HECW1: variants seen among roughly 807,000 people sequenced by gnomAD.
HECW1 encodes the protein HECT, C2 and WW domain containing E3 ubiquitin protein ligase 1, also known as E3 ubiquitin-protein ligase HECW1.
A neutral mutation model predicts 182.3 loss-of-function variants in HECW1; 61 were observed. The observed-to-expected ratio is 0.33, with a 90% CI of 0.27 to 0.41. The LOEUF (loss-of-function observed/expected upper bound fraction) is 0.41, where lower values mean the gene tolerates loss of function less well. HECW1 is among the 10% of genes least tolerant of loss of function. The probability of loss-of-function intolerance (pLI) is 1.00; values close to 1 mark genes in which losing one functional copy is unlikely to be tolerated. For synonymous variants in HECW1, 859 were observed against 832.6 expected (o/e 1.03, Z -0.55); for missense variants, 1,739 against 2,108.9 (o/e 0.82, Z 3.44).
Position 43,466,467 on chromosome 7 carries a change from C to G in HECW1, c.2812C>G (p.Leu938Val). ...SSLDLRREGS[L>V]SPVNSQKITL... Reference sequence around the variant, plus strand: ...TTCAGATCTAAGGAGAGAAGGGTCACTTTCTCCAGTGAACTCACAAAAAAT... The same window carrying G: ...TTCAGATCTAAGGAGAGAAGGGTCAGTTTCTCCAGTGAACTCACAAAAAAT... The change falls in exon 15 of 30, where the codon CTT (leucine) becomes GTT (valine). Residue 938 changes from leucine to valine, a missense_variant. Leu to Val is a conservative substitution (Grantham distance 32). Coordinates refer to ENST00000395891, the MANE Select transcript of HECW1 (RefSeq NM_015052.5). 6.2e-7 allele frequency: 1 copy of G among 1,613,728 alleles called. No individual in the cohort carries two copies. The highest frequency in any genetic ancestry group is 8.5e-7 in the Non-Finnish European group (1 of 1,179,760).
At chr7:43,120,548 C>T (rs1294466145) in intron 2 of HECW1, among the ~76,000 whole-genome samples, 12 of 152,124 alleles carry the variant, frequency 7.9e-5, no homozygotes, top group Non-Finnish European at 1.8e-4. Flanking sequence ...GCTGACTGAC[C>T]GAATGATGTA....
chr7:43,442,788 G>A (rs940483298), intron 10 of HECW1, among the ~76,000 whole-genome samples, 159 bp downstream of exon 10: 1 of 152,228 alleles, frequency 6.6e-6, no homozygotes, highest in East Asian at 1.9e-4. Context: ...TATTCTGGAA[G>A]CCAGGTTGCT....
chr7:43,400,616 G>A lies in HECW1; in HGVS notation c.631+3727G>A, dbSNP rs182383999. On this transcript the variant is annotated intron_variant, in intron 7 of 29. Transcript: ENST00000395891. ...TGCTTGTACCCTCAACAAAATAGAG[G>A]GAAGTGCAGAGCATATTAAATAAGA... Among the ~76,000 whole-genome samples the A allele has an allele frequency of 8.5e-5, 13 of 152,226 alleles. No homozygotes were observed. In the East Asian group the frequency reaches 2.5e-3, roughly 29 times the overall value.
chr7:43,463,925 G>A, intron 14 of HECW1, 126 bp downstream of exon 14: 2 of 1,089,748 alleles, frequency 1.8e-6, no homozygotes, highest in Admixed American at 2.3e-5. Flanking sequence ...GGAAGTCCAG[G>A]GTGGAGGACA....
At chr7:43,398,743 T>C (rs777807541) in intron 7 of HECW1, among the ~76,000 whole-genome samples, 44 of 152,360 alleles carry the variant, frequency 2.9e-4, no homozygotes, top group Non-Finnish European at 5.6e-4. Flanking sequence ...GAACTGTCTG[T>C]GCAGGAGACC....
chr7:43,303,945 G>A (rs1181052314), intron 3 of HECW1, among the ~76,000 whole-genome samples: 1 of 152,216 alleles, frequency 6.6e-6, no homozygotes, highest in African/African-American at 2.4e-5. Flanking sequence ...GGACCCAGGG[G>A]CAGTATTTAA....
chr7:43,231,938 C>T (rs963340761), intron 2 of HECW1, among the ~76,000 whole-genome samples: 8 of 147,092 alleles, frequency 5.4e-5, no homozygotes, highest in South Asian at 2.2e-4. Context: ...AGGAGAATGG[C>T]GTGAACCCGG....
At position 43,518,253 on chromosome 7, in the gene HECW1, A is replaced by G. The variant is rs180787829; in HGVS notation, c.4019+9132A>G. The stretch of plus-strand genomic sequence containing the variant: ...CTCACACCTCTAATTCCAACACTTT[A>G]GGAGGCCAAGGCGGGTGGATCACTT... On this transcript the variant is annotated intron_variant, in intron 24 of 29. Transcript: ENST00000395891. Among the ~76,000 whole-genome samples the G allele has an allele frequency of 8.4e-3, 1,285 of 152,226 alleles. 20 individuals are homozygous for G. The highest frequency in any genetic ancestry group is 0.029 in the African/African-American group (1,221 of 41,544).
chr7:43,269,087 A>C (rs1802100881), intron 3 of HECW1, among the ~76,000 whole-genome samples: 2 of 151,986 alleles, frequency 1.3e-5, no homozygotes, highest in Admixed American at 6.6e-5. Flanking sequence ...CCTCTCCCTC[A>C]CCACTGAAAT....
rs375702704 is a variant in HECW1 at position 43,272,179 on chromosome 7, T to C, written c.27+28247T>C. Among the ~76,000 whole-genome samples, 149 of 152,170 alleles carry C rather than the reference T, an allele frequency of 9.8e-4. 1 individual carries two copies. In the South Asian group the frequency reaches 0.024, roughly 25 times the overall value. On this transcript the variant is annotated intron_variant, in intron 3 of 29. Coordinates refer to ENST00000395891, the MANE Select transcript of HECW1 (RefSeq NM_015052.5). Reference sequence around the variant, plus strand: ...AACTGAATCCCTATCTCTCACCATATGCAAAAATTAACTCAAGATGGATTA... The same window carrying C: ...AACTGAATCCCTATCTCTCACCATACGCAAAAATTAACTCAAGATGGATTA...
At chr7:43,197,382 G>T (rs941590975) in intron 2 of HECW1, among the ~76,000 whole-genome samples, 4 of 152,056 alleles carry the variant, frequency 2.6e-5, no homozygotes, top group Non-Finnish European at 5.9e-5. Flanking sequence ...TCAGAGAAAG[G>T]CTCCGCTGCC....
intron 13 of HECW1, 84 bp downstream of exon 13, chr7:43,456,531 G>C: frequency 7.4e-7 from 1 of 1,360,318 alleles, no homozygotes; most frequent in Non-Finnish European, 1.0e-6. Flanking sequence ...ACACTTTTCT[G>C]CTCAGACTGT....
intron 3 of HECW1, among the ~76,000 whole-genome samples, chr7:43,297,648 T>C (rs1806211362): frequency 6.6e-6 from 1 of 152,188 alleles, no homozygotes; most frequent in Non-Finnish European, 1.5e-5. Context: ...TGATGGACAC[T>C]CTAAGACTGA....
chr7:43,249,341 C>G (rs1422127524), intron 3 of HECW1: 4 of 152,402 alleles, frequency 2.6e-5, no homozygotes, highest in Non-Finnish European at 5.9e-5. Flanking sequence ...GTGCGGGCTG[C>G]GAGCCTCGCC....
Position 43,407,725 on chromosome 7 carries a change from G to A in HECW1, c.795G>A (p.Gln265=). 6.2e-7 allele frequency: 1 copy of A among 1,610,194 alleles called. No individual in the cohort carries two copies. The change falls in exon 8 of 30, where the codon CAG becomes CAA. Residue 265 remains glutamine (Q), a synonymous_variant. Transcript: ENST00000395891. ...GCAACACCGTGAACCCCATCTGGCA[G>A]GCCGAGGTGAGTGCTGTGGGCCCTG... ...IIGNTVNPIW[Q]AEQFSFVSLP... is the part of the protein sequence containing the mutation.
chr7:43,436,045 T>C (rs545062108), intron 8 of HECW1, among the ~76,000 whole-genome samples: 2 of 151,120 alleles, frequency 1.3e-5, no homozygotes, highest in East Asian at 3.9e-4. Flanking sequence ...ATGCCTATAG[T>C]CCCAGCTACT....
chr7:43,324,012 C>T (rs1016716351), intron 5 of HECW1, among the ~76,000 whole-genome samples: 30 of 150,470 alleles, frequency 2.0e-4, no homozygotes, highest in Middle Eastern at 3.4e-3. Context: ...CCAGTTTGGG[C>T]GACAAGAGTG....
chr7:43,224,742 G>A (rs772592914), intron 2 of HECW1, among the ~76,000 whole-genome samples: 19 of 152,342 alleles, frequency 1.2e-4, no homozygotes, highest in Admixed American at 2.6e-4. Context: ...CTGAGCCCAG[G>A]AGGTTGAGGC....
intron 9 of HECW1, chr7:43,439,242 C>A (rs569608523): frequency 6.6e-6 from 1 of 152,274 alleles, no homozygotes; most frequent in South Asian, 2.1e-4. Flanking sequence ...TCATTTAGTC[C>A]TCATAATGCT....
Sources: allele counts gnomAD v4.1 joint callset (sites outside exome capture counted in the v4.1 genomes callset), GRCh38; gene constraint gnomAD v4.1.1; transcripts MANE v1.5; gene names NCBI Gene and HGNC (gene_info 2026-07-23, HGNC 2026-07-21).